Variants in AP4M1 observed in about 807,000 individuals in gnomAD.
The protein encoded by AP4M1 is adaptor related protein complex 4 subunit mu 1, also known as AP-4 complex subunit mu-1.
A neutral mutation model predicts 62.4 loss-of-function variants in AP4M1; 58 were observed. The ratio of observed to expected loss-of-function variants is 0.93; its 90% CI spans 0.75 to 1.16. The LOEUF (loss-of-function observed/expected upper bound fraction) is 1.16. Ranked by LOEUF, AP4M1 falls within the 50% of genes most tolerant of loss-of-function variation. AP4M1 has a pLI of 0.00. For missense variants in AP4M1, 626 were observed against 585.4 expected, an observed-to-expected ratio of 1.07 and a Z score of -0.72; for synonymous variants, 290 against 239.7, an observed-to-expected ratio of 1.21 and a Z score of -1.94.
rs1162172137 is a variant in AP4M1 at position 100,106,272 on chromosome 7, CT to C, written c.1007del (p.Leu336ArgfsTer12). On this transcript the variant is annotated frameshift_variant, in exon 13 of 15. Coordinates refer to ENST00000359593, the MANE Select transcript of AP4M1 (RefSeq NM_004722.4). LOFTEE classifies it high-confidence loss of function. ...CCTCAATGTCAGGCTGCACCTCCCC[CT>C]GCCTCGAGGGGTGGTCAGGTGAGTG... ...QALNVRLHLP[L>X]PRGVVSLSQE... 6.2e-7 allele frequency: 1 copy of C among 1,613,990 alleles called. No homozygotes were observed. The highest frequency in any genetic ancestry group is 8.5e-7 in the Non-Finnish European group (1 of 1,180,034).
chr7:100,101,614 C>A, upstream of AP4M1: 1 of 1,253,360 alleles, frequency 8.0e-7, no homozygotes, highest in South Asian at 1.2e-5. Flanking sequence ...GGAGGAGAAT[C>A]GCTCTTAAAG....
chr7:100,102,214 C>G (rs575397212), intron 2 of AP4M1: 229 of 599,786 alleles, frequency 3.8e-4, no homozygotes, highest in Non-Finnish European at 5.9e-4. Flanking sequence ...AACTCCGCCT[C>G]TACTAAAAAT....
At chr7:100,106,562 G>A in intron 14 of AP4M1, 48 bp downstream of exon 14, 14 of 1,514,840 alleles carry the variant, frequency 9.2e-6, no homozygotes, top group South Asian at 4.5e-5. Flanking sequence ...TTCACTTGCA[G>A]CCCCCACCCC....
chr7:100,102,058 T>G, intron 2 of AP4M1, 90 bp downstream of exon 2: 1 of 1,424,788 alleles, frequency 7.0e-7, no homozygotes, highest in Non-Finnish European at 9.8e-7. Context: ...ATTGGTAGAT[T>G]CCACTTGGGG....
chr7:100,107,775 G>A lies in AP4M1; in HGVS notation c.*893G>A. Reference sequence around the variant, plus strand: ...TGGCTGGAGACCTTGTTCATGCAGGGCAGCTACAGCCCTGCAGGACCCTGG... The same window carrying A: ...TGGCTGGAGACCTTGTTCATGCAGGACAGCTACAGCCCTGCAGGACCCTGG... On this transcript the variant is annotated 3_prime_UTR_variant, in exon 15 of 15. Transcript: ENST00000359593. 1.4e-6 allele frequency: 2 copies of A among 1,387,336 alleles called. No individual in the cohort carries two copies. Among genetic ancestry groups the A allele is most frequent in the Non-Finnish European group, 1.9e-6 (2 of 1,036,692 alleles). The allele number at this position is 1,387,336 out of a possible 1,614,324, so 85.9% of individuals were successfully genotyped here. A position where few individuals can be genotyped will look rare whatever the true frequency, so the allele number is the denominator to read the frequency against.
Position 100,103,389 on chromosome 7 carries a change from T to C in AP4M1, c.352-20T>C, listed in dbSNP as rs1341627229. 6.2e-7 allele frequency: 1 copy of C among 1,602,374 alleles called. No homozygotes were observed. Reference sequence around the variant, plus strand: ...CCTTCCCTCCACTGATCACTCAGACTGTCCTTCCTTTACCACTAGGACTAT... The same window carrying C: ...CCTTCCCTCCACTGATCACTCAGACCGTCCTTCCTTTACCACTAGGACTAT... On this transcript the variant is annotated intron_variant, in intron 4 of 14. Coordinates refer to ENST00000359593, the MANE Select transcript of AP4M1 (RefSeq NM_004722.4).
rs751511522 is a variant in AP4M1 at position 100,104,075 on chromosome 7, TTCTC to T, written c.544-11_544-8del. On this transcript the variant is annotated splice_polypyrimidine_tract_variant and intron_variant, in intron 6 of 14. Transcript: ENST00000359593. ...GCTATTCTGCTTCCAACCACCCAAA[TTCTC>T]TCTCTTTCTCAGAGCCAAAAGAATG... The T allele has an allele frequency of 5.0e-6, 8 of 1,612,888 alleles. No individual in the cohort carries two copies. Among genetic ancestry groups the T allele is most frequent in the East Asian group, 2.2e-5 (1 of 44,872 alleles).
In AP4M1 at chr7:100,108,465, A is replaced by C. The variant is rs758617159; in HGVS notation, c.*1583A>C. The stretch of plus-strand genomic sequence containing the variant: ...TGGGAGCAGAGGAGGGGCCCAAGGG[A>C]CCCGAATTCTGCCCGATAGGCGTCC... On this transcript the variant is annotated 3_prime_UTR_variant, in exon 15 of 15. Transcript: ENST00000359593. The C allele has an allele frequency of 6.2e-7, 1 of 1,613,846 alleles. No homozygotes were observed.
Position 100,108,007 on chromosome 7 carries a change from C to G in AP4M1, c.*1125C>G. 6.2e-7 allele frequency: 1 copy of G among 1,613,914 alleles called. No homozygotes were observed. The highest frequency in any genetic ancestry group is 8.5e-7 in the Non-Finnish European group (1 of 1,179,982). On this transcript the variant is annotated 3_prime_UTR_variant, in exon 15 of 15. Transcript: ENST00000359593. ...GAGGGGAAGGCTGTGGTGGGGCAGC[C>G]GCTCGTGCAGACACCAGTGTCTGGA...
rs1338853479 is a variant in AP4M1, at chr7:100,107,341, T to TC, written c.*465dup. The TC allele has an allele frequency of 1.9e-6, 3 of 1,547,716 alleles. No individual in the cohort carries two copies. The highest frequency in any genetic ancestry group is 1.7e-4 in the Middle Eastern group (1 of 5,732). On this transcript the variant is annotated 3_prime_UTR_variant, in exon 15 of 15. Transcript: ENST00000359593. ...GGGGGACTGTCCCCAGCCTCCTGCT[T>TC]CCCCCCACAAAGGGCACTGCCGCTG... is the stretch of plus-strand genomic sequence containing the variant.
In AP4M1 at chr7:100,102,912, C is replaced by A. The variant is rs770782752; in HGVS notation, c.303C>A (p.Thr101=). ...GDYCGSLGEG[T]ISRNVALVYE... is the part of the protein sequence containing the mutation. ...ACTGTGGCTCCCTGGGCGAGGGGAC[C>A]ATCTCCCGCAATGTGGCTCTGGTAT... Residue 101 remains threonine, a synonymous_variant, in exon 4 of 15, where the codon ACC becomes ACA. Transcript: ENST00000359593. 1 of 1,614,090 alleles carries A rather than the reference C, an allele frequency of 6.2e-7. No individual in the cohort carries two copies. The highest frequency in any genetic ancestry group is 8.5e-7 in the Non-Finnish European group (1 of 1,180,028).
chr7:100,107,080 C>A lies in AP4M1; in HGVS notation c.*198C>A. The A allele has an allele frequency of 2.3e-6, 3 of 1,285,866 alleles. No homozygotes were observed. The highest frequency in any genetic ancestry group is 2.8e-5 in the South Asian group (2 of 71,980). The allele number at this position is 1,285,866 out of a possible 1,614,324, so 79.7% of individuals were successfully genotyped here. A position where few individuals can be genotyped will look rare whatever the true frequency, so the allele number is the denominator to read the frequency against. On this transcript the variant is annotated 3_prime_UTR_variant, in exon 15 of 15. Coordinates refer to ENST00000359593, the MANE Select transcript of AP4M1 (RefSeq NM_004722.4). Reference sequence around the variant, plus strand: ...AAGGACTGCAGTGGATCAGAACTTACAAACCAAACTTTTATTCTGAGAAAC... The same window carrying A: ...AAGGACTGCAGTGGATCAGAACTTAAAAACCAAACTTTTATTCTGAGAAAC...
rs773551866 is a variant in AP4M1, at chr7:100,104,847, T to C, written c.607-27T>C. ...CTCAAAAAAAGAAAGAAAAAAAGACTCTAACCTTGACGCCCCTGCCTCTCA... is the reference window on the plus strand; with the variant it reads ...CTCAAAAAAAGAAAGAAAAAAAGACCCTAACCTTGACGCCCCTGCCTCTCA... On this transcript the variant is annotated intron_variant, in intron 7 of 14. Transcript: ENST00000359593. 8 of 1,601,330 alleles carry C rather than the reference T, an allele frequency of 5.0e-6. No individual in the cohort carries two copies. In the Admixed American group the frequency reaches 1.3e-4, roughly 27 times the overall value.
chr7:100,101,606 AG>A, upstream of AP4M1: 1 of 1,187,306 alleles, frequency 8.4e-7, no homozygotes, highest in South Asian at 1.2e-5. Context: ...GCGCGGGCGG[AG>A]GAGAATCGCT....
chr7:100,102,212 C>G, intron 2 of AP4M1: 1 of 622,064 alleles, frequency 1.6e-6, no homozygotes, highest in Non-Finnish European at 2.9e-6. Context: ...GAAACTCCGC[C>G]TCTACTAAAA....
chr7:100,101,462 C>T, upstream of AP4M1: 3 of 895,404 alleles, frequency 3.4e-6, no homozygotes, highest in Non-Finnish European at 3.5e-6. Flanking sequence ...ACAAGGCGGC[C>T]TTCTTCACCT....
In AP4M1 at chr7:100,101,860, T is replaced by C. The variant is rs1248966462; in HGVS notation, c.59-20T>C. ...CAGCCTGTGTCGCAGGATCCTTCACTGAGTCCTTCCACCCGCCAGTCCGCG... is the reference window on the plus strand; with the variant it reads ...CAGCCTGTGTCGCAGGATCCTTCACCGAGTCCTTCCACCCGCCAGTCCGCG... On this transcript the variant is annotated intron_variant, in intron 1 of 14. Transcript: ENST00000359593. 4 of 1,612,794 alleles carry C rather than the reference T, an allele frequency of 2.5e-6. No individual in the cohort carries two copies. Among genetic ancestry groups the C allele is most frequent in the East Asian group, 2.2e-5 (1 of 44,868 alleles).
At chr7:100,103,384 C>CA (rs775013161) in intron 4 of AP4M1, 25 bp from the exon 5 acceptor site, 1 of 1,597,994 alleles carries the variant, frequency 6.3e-7, no homozygotes, top group South Asian at 1.1e-5. Context: ...ACTGATCACT[C>CA]AGACTGTCCT....
chr7:100,105,333 C>G lies in AP4M1; in HGVS notation c.821C>G (p.Pro274Arg), dbSNP rs1476283122. 3.7e-6 allele frequency: 6 copies of G among 1,613,956 alleles called. No homozygotes were observed. The highest frequency in any genetic ancestry group is 1.6e-4 in the Middle Eastern group (1 of 6,084). Residue 274 changes from proline (P) to arginine (R), a missense_variant, in exon 10 of 15, where the codon CCA becomes CGA. Physicochemically the swap from Pro to Arg is moderately radical, Grantham distance 103. Coordinates refer to ENST00000359593, the MANE Select transcript of AP4M1 (RefSeq NM_004722.4). Reference sequence around the variant, plus strand: ...TCTCATCGAATCCTCCGCTTGCAACCACCTCAGGGCGAGGTCAGGGTTGGG... The same window carrying G: ...TCTCATCGAATCCTCCGCTTGCAACGACCTCAGGGCGAGGTCAGGGTTGGG... ...FESHRILRLQ[P>R]PQGELTVMRY...
Sources: allele counts gnomAD v4.1 joint callset, GRCh38; gene constraint gnomAD v4.1.1; transcripts MANE v1.5; gene names NCBI Gene and HGNC (gene_info 2026-07-23, HGNC 2026-07-21).